Variants in WDR72 observed in about 807,000 individuals in gnomAD.
WDR72 encodes WD repeat domain 72, also known as WD repeat-containing protein 72.
Under a neutral mutation model 124.2 loss-of-function variants are expected in WDR72, and 120 were observed. The ratio of observed to expected loss-of-function variants is 0.97; its 90% CI spans 0.83 to 1.12. The LOEUF (loss-of-function observed/expected upper bound fraction) is 1.12, where lower values mean the gene tolerates loss of function less well. WDR72 is among the 50% of genes most tolerant of loss of function. The pLI is 0.00. For missense variants in WDR72, 1,387 were observed against 1,278.8 expected, an observed-to-expected ratio of 1.08 and a Z score of -1.29; for synonymous variants, 452 against 441.7, an observed-to-expected ratio of 1.02 and a Z score of -0.29.
chr15:53,578,264 T>C (rs59439546), intron 18 of WDR72, among the ~76,000 whole-genome samples: 2,926 of 152,100 alleles, frequency 0.019, 90 homozygotes, highest in African/African-American at 0.067. Context: ...CACAGGGTGG[T>C]CAGTGGTGTG....
intron 18 of WDR72, among the ~76,000 whole-genome samples, chr15:53,565,475 A>T (rs986334296): frequency 2.0e-5 from 3 of 151,924 alleles, no homozygotes; most frequent in Non-Finnish European, 2.9e-5. Flanking sequence ...ATATGCAACA[A>T]TGTGCCAAGA....
At chr15:53,585,266 C>G (rs140357873) in intron 18 of WDR72, among the ~76,000 whole-genome samples, 6 of 152,094 alleles carry the variant, frequency 3.9e-5, no homozygotes, top group African/African-American at 1.2e-4. Context: ...GAAGCAGGCA[C>G]CTTCTTTACA....
intron 1 of WDR72, among the ~76,000 whole-genome samples, chr15:53,741,262 A>T (rs1450040083): frequency 1.3e-5 from 2 of 152,250 alleles, no homozygotes; most frequent in African/African-American, 2.4e-5. Context: ...GGTGAAAGTA[A>T]ATCAAAGCAT....
chr15:53,618,257 A>T (rs562536316), intron 14 of WDR72, among the ~76,000 whole-genome samples: 43 of 151,976 alleles, frequency 2.8e-4, no homozygotes, highest in Non-Finnish European at 5.3e-4. Flanking sequence ...TATTTGACCT[A>T]CTTAATTTTG....
At position 53,616,246 on chromosome 15, in the gene WDR72, A is replaced by C; in HGVS notation, c.1963-3T>G. 6.3e-7 allele frequency: 1 copy of C among 1,595,926 alleles called. No individual in the cohort carries two copies. Among genetic ancestry groups the C allele is most frequent in the African/African-American group, 1.3e-5 (1 of 74,876 alleles). ...GGGCAAAATTTGGCATCAGTAACCT[A>C]AGGGAACAAAAAATATTTGTGTCAA... On this transcript the variant is annotated splice_region_variant and splice_polypyrimidine_tract_variant and intron_variant, in intron 14 of 19. Coordinates refer to ENST00000360509, the MANE Select transcript of WDR72 (RefSeq NM_182758.4).
Position 53,705,460 on chromosome 15 carries a change from T to A in WDR72, c.1103-227A>T, listed in dbSNP as rs1226657613. Among the ~76,000 whole-genome samples, 5 of 145,762 alleles carry A rather than the reference T, an allele frequency of 3.4e-5. No individual in the cohort carries two copies. In the East Asian group the frequency reaches 1.2e-3, roughly 34 times the overall value. ...AACCTTTGTGTGTGTGTGTTTTTAA[T>A]TAAAAAAAAATTTTTTTTTTGAGAC... On this transcript the variant is annotated intron_variant, in intron 10 of 19. Transcript: ENST00000360509.
intron 1 of WDR72, among the ~76,000 whole-genome samples, chr15:53,758,050 G>T (rs2018960880): frequency 6.6e-6 from 1 of 151,724 alleles, no homozygotes; most frequent in Non-Finnish European, 1.5e-5. Context: ...CACCTAGCCT[G>T]GAGTACAGTG....
At chr15:53,587,407 G>C (rs1247843413) in intron 18 of WDR72, among the ~76,000 whole-genome samples, 1 of 151,848 alleles carries the variant, frequency 6.6e-6, no homozygotes, top group African/African-American at 2.4e-5. Flanking sequence ...ACAGATATAT[G>C]CATCAATAGC....
At position 53,546,106 on chromosome 15, in the gene WDR72, C is replaced by T. The variant is rs370340119; in HGVS notation, c.3149-22784G>A. Among the ~76,000 whole-genome samples, 41 of 140,964 alleles carry T rather than the reference C, an allele frequency of 2.9e-4. 2 individuals carry two copies. The highest frequency in any genetic ancestry group is 8.4e-4 in the African/African-American group (31 of 36,762). 92.5% of individuals were successfully genotyped at this position (140,964 alleles called of 152,430 possible). On this transcript the variant is annotated intron_variant, in intron 18 of 19. Transcript: ENST00000360509. ...TCAACCATTGTGAAAGTCAGTGTGG[C>T]GATTCCTCAGGGATCTAGAACTAGA...
intron 1 of WDR72, among the ~76,000 whole-genome samples, chr15:53,754,381 G>C (rs2140900459): frequency 6.6e-6 from 1 of 152,194 alleles, no homozygotes; most frequent in East Asian, 1.9e-4. Flanking sequence ...AGACACGAAA[G>C]GGCTTGCCTG....
chr15:53,527,404 C>T (rs1294045767), intron 18 of WDR72, among the ~76,000 whole-genome samples: 2 of 151,844 alleles, frequency 1.3e-5, no homozygotes, highest in African/African-American at 2.4e-5. Context: ...TTTCCACATC[C>T]CCAGCAAGAG....
intron 8 of WDR72, 102 bp downstream of exon 8, chr15:53,711,234 G>C: frequency 6.4e-7 from 1 of 1,555,564 alleles, no homozygotes. Context: ...GTTTTGTTCT[G>C]GTTTTTGATC....
At chr15:53,668,186 T>G (rs2015845178) in intron 13 of WDR72, among the ~76,000 whole-genome samples, 1 of 152,206 alleles carries the variant, frequency 6.6e-6, no homozygotes, top group African/African-American at 2.4e-5. Flanking sequence ...TGTTAGACAC[T>G]CGGTTTTGTG....
intron 18 of WDR72, among the ~76,000 whole-genome samples, chr15:53,524,317 T>C (rs1207403874): frequency 6.6e-6 from 1 of 152,144 alleles, no homozygotes; most frequent in African/African-American, 2.4e-5. Flanking sequence ...AATGTATTTA[T>C]AAACCATAAA....
At chr15:53,560,301 C>A (rs1441686094) in intron 18 of WDR72, among the ~76,000 whole-genome samples, 3 of 151,880 alleles carry the variant, frequency 2.0e-5, no homozygotes, top group Non-Finnish European at 4.4e-5. Context: ...CTTTCTGATG[C>A]ACACGGTAGG....
intron 14 of WDR72, among the ~76,000 whole-genome samples, chr15:53,618,227 T>G (rs2013846948): frequency 6.6e-6 from 1 of 152,100 alleles, no homozygotes; most frequent in East Asian, 1.9e-4. Flanking sequence ...TTTAGTGTCT[T>G]AACCTTAAAT....
intron 2 of WDR72, among the ~76,000 whole-genome samples, chr15:53,728,874 G>A (rs2018119837): frequency 6.6e-6 from 1 of 152,086 alleles, no homozygotes; most frequent in Admixed American, 6.6e-5. Flanking sequence ...GGCATGCAGT[G>A]AGAAGCCCAA....
At chr15:53,679,788 C>A (rs1403598471) in intron 13 of WDR72, among the ~76,000 whole-genome samples, 1 of 152,148 alleles carries the variant, frequency 6.6e-6, no homozygotes, top group East Asian at 1.9e-4. Flanking sequence ...TAGAAGCCCA[C>A]AATTCCTTAT....
chr15:53,605,891 G>T (rs1221635155), intron 17 of WDR72, among the ~76,000 whole-genome samples: 5 of 152,116 alleles, frequency 3.3e-5, no homozygotes. Flanking sequence ...CAGTAGAATG[G>T]ATACTTGCAA....
Sources: gnomAD v4.1 joint callset for allele counts (sites outside exome capture counted in the v4.1 genomes callset) on GRCh38, gnomAD v4.1.1 for gene constraint, MANE v1.5 for transcripts, NCBI Gene and HGNC (gene_info 2026-07-23, HGNC 2026-07-21) for gene names.